Variants in BMI1 observed in about 807,000 individuals in gnomAD.
BMI1 encodes polycomb complex protein BMI-1.
In BMI1, 9 loss-of-function variants were observed where a neutral mutation model predicts 39.1. That is an observed-to-expected ratio of 0.23 (90% CI 0.14 to 0.40). The LOEUF is 0.40. Among genes scored for constraint, BMI1 ranks in the 10% least tolerant of loss-of-function variants. The probability of loss-of-function intolerance (pLI) is 1.00; values close to 1 mark genes in which losing one functional copy is unlikely to be tolerated. For missense variants in BMI1, 252 were observed against 390.8 expected (o/e 0.64, Z 2.99); for synonymous variants, 131 against 127.9 (o/e 1.02, Z -0.16).
Position 22,330,033 on chromosome 10 carries a change from A to G in BMI1, c.*491A>G, listed in dbSNP as rs766934758. 17 of 153,518 alleles carry G rather than the reference A, an allele frequency of 1.1e-4. No homozygotes were observed. The highest frequency in any genetic ancestry group is 1.9e-4 in the Non-Finnish European group (13 of 68,682). The allele number at this position is 153,518 out of a possible 1,614,324, so 9.5% of individuals were successfully genotyped here. ...TCTATGTAGCCATGTCACTGTGAAT[A>G]ACGATTTCTTGCATATTTAGCCATT... On this transcript the variant is annotated 3_prime_UTR_variant, in exon 10 of 10. Coordinates refer to ENST00000376663, the MANE Select transcript of BMI1 (RefSeq NM_005180.9).
intron 1 of BMI1, chr10:22,322,159 C>A (rs1400623638): frequency 6.6e-6 from 1 of 152,084 alleles, no homozygotes; most frequent in Non-Finnish European, 1.5e-5. Context: ...CCGCAGCGCC[C>A]TTTGTTGAGA....
chr10:22,329,571 T>C lies in BMI1; in HGVS notation c.*29T>C, dbSNP rs773213131. On this transcript the variant is annotated 3_prime_UTR_variant, in exon 10 of 10. Coordinates refer to ENST00000376663, the MANE Select transcript of BMI1 (RefSeq NM_005180.9). ...CTGAGACTGTTAAGGAAAAAAATTTTAAACCCCTGATTTATATAGATATCT... is the reference window on the plus strand; with the variant it reads ...CTGAGACTGTTAAGGAAAAAAATTTCAAACCCCTGATTTATATAGATATCT... The C allele has an allele frequency of 1.9e-6, 3 of 1,602,028 alleles. No individual in the cohort carries two copies. Among genetic ancestry groups the C allele is most frequent in the Non-Finnish European group, 2.6e-6 (3 of 1,173,632 alleles).
chr10:22,326,801 C>A, intron 2 of BMI1, 89 bp from the exon 3 acceptor site: 1 of 1,501,918 alleles, frequency 6.7e-7, no homozygotes, highest in South Asian at 1.2e-5. Context: ...CTTTCACCAT[C>A]TTGTTTTCTA....
rs1323084084 is a variant in BMI1 at position 22,331,180 on chromosome 10, TTG to T, written c.*1640_*1641del. ...AATTTGTACAGTCCCATTGTAAGTG[TTG>T]TTTCTAATTATAGATGTAAAATGAA... On this transcript the variant is annotated 3_prime_UTR_variant, in exon 10 of 10. Transcript: ENST00000376663. The T allele has an allele frequency of 1.3e-5, 2 of 152,606 alleles. No individual in the cohort carries two copies. Among genetic ancestry groups the T allele is most frequent in the Non-Finnish European group, 2.9e-5 (2 of 67,984 alleles). The allele number at this position is 152,606 out of a possible 1,614,324, so 9.5% of individuals were successfully genotyped here.
At position 22,329,397 on chromosome 10, in the gene BMI1, T is replaced by G. The variant is rs1410240311; in HGVS notation, c.836T>G (p.Val279Gly). 1 of 1,614,200 alleles carries G rather than the reference T, an allele frequency of 6.2e-7. No homozygotes were observed. Among genetic ancestry groups the G allele is most frequent in the Non-Finnish European group, 8.5e-7 (1 of 1,180,026 alleles). ...SSCLPSPSTPVQSPHPQFPHI... is the reference protein window; with the variant it reads ...SSCLPSPSTPGQSPHPQFPHI... ...TGTTTGCCTAGCCCCAGTACTCCAG[T>G]GCAGTCTCCTCATCCACAGTTTCCT... Residue 279 changes from valine to glycine, a missense_variant, in exon 10 of 10, where the codon GTG becomes GGG. Physicochemically the swap from Val to Gly is moderately radical, Grantham distance 109. Transcript: ENST00000376663.
At position 22,327,788 on chromosome 10, in the gene BMI1, T is replaced by C. The variant is rs144025407; in HGVS notation, c.312T>C (p.Ala104=). ...ATTTTTATGCAGCTCATCCTTCTGC[T>C]GATGGTAAACCTTTTAGGGGAGGGA... ...RRDFYAAHPS[A]DAANGSNEDR... The change falls in exon 5 of 10, where the codon GCT becomes GCC. Residue 104 remains alanine (A), a synonymous_variant. Transcript: ENST00000376663. 50 of 1,613,262 alleles carry C rather than the reference T, an allele frequency of 3.1e-5. No individual in the cohort carries two copies. The highest frequency in any genetic ancestry group is 4.2e-5 in the Non-Finnish European group (50 of 1,179,602).
chr10:22,323,861 T>C (rs556083092), intron 1 of BMI1, among the ~76,000 whole-genome samples: 8 of 152,338 alleles, frequency 5.3e-5, no homozygotes, highest in South Asian at 2.1e-4. Context: ...TCAAATCTTA[T>C]CAAGCACGTC....
In BMI1 at chr10:22,321,340, C is replaced by T. The variant is rs936420785; in HGVS notation, c.-376C>T. 5.2e-5 allele frequency: 8 copies of T among 155,070 alleles called. No individual in the cohort carries two copies. Among genetic ancestry groups the T allele is most frequent in the South Asian group, 3.6e-4 (2 of 5,632 alleles). 9.6% of individuals were successfully genotyped at this position (155,070 alleles called of 1,614,324 possible). A position where few individuals can be genotyped will look rare whatever the true frequency, so the allele number is the denominator to read the frequency against. On this transcript the variant is annotated 5_prime_UTR_variant, in exon 1 of 10. Transcript: ENST00000376663. The stretch of plus-strand genomic sequence containing the variant: ...CGCAGAATAAAACCGATCGCGCCCC[C>T]TCCGCGCGCGCCCTCCCCCGAGTGC...
At chr10:22,326,331 T>G in intron 1 of BMI1, 100 bp from the exon 2 acceptor site, 1 of 1,504,822 alleles carries the variant, frequency 6.6e-7, no homozygotes, top group Non-Finnish European at 8.9e-7. Context: ...CTGTACAGTG[T>G]TAAATGAGTT....
chr10:22,329,643 C>A lies in BMI1; in HGVS notation c.*101C>A. On this transcript the variant is annotated 3_prime_UTR_variant, in exon 10 of 10. Transcript: ENST00000376663. The stretch of plus-strand genomic sequence containing the variant: ...GATGCTAATACATGTGACTATCGTC[C>A]AATTTGCTTTCTTTTGTAGTGACAT... 1.4e-6 allele frequency: 2 copies of A among 1,382,674 alleles called. No homozygotes were observed. The highest frequency in any genetic ancestry group is 9.7e-7 in the Non-Finnish European group (1 of 1,033,194). The allele number at this position is 1,382,674 out of a possible 1,614,324, so 85.7% of individuals were successfully genotyped here.
intron 1 of BMI1, 149 bp downstream of exon 1, chr10:22,321,845 G>GCGCCCCGCGCCGCC (rs1171412259): frequency 5.6e-5 from 8 of 142,392 alleles, no homozygotes; most frequent in African/African-American, 1.3e-4. Context: ...GCCCGGCCCC[G>GCGCCCCGCGCCGCC]CGCCCCGCGC....
chr10:22,325,705 G>T (rs1422092563), intron 1 of BMI1: 1 of 150,780 alleles, frequency 6.6e-6, no homozygotes, highest in Admixed American at 6.6e-5. Flanking sequence ...GAGTTGCAGC[G>T]GTGGCCGGAT....
Position 22,331,077 on chromosome 10 carries a change from T to G in BMI1, c.*1535T>G, listed in dbSNP as rs1157196196. On this transcript the variant is annotated 3_prime_UTR_variant, in exon 10 of 10. Transcript: ENST00000376663. The stretch of plus-strand genomic sequence containing the variant: ...ATCATTACTTTTACATATATTGCTG[T>G]TACTTCTGCTTTCTTTAAAAATATA... 2.0e-5 allele frequency: 3 copies of G among 152,612 alleles called. No individual in the cohort carries two copies. Among genetic ancestry groups the G allele is most frequent in the Admixed American group, 2.0e-4 (3 of 15,292 alleles). The allele number at this position is 152,612 out of a possible 1,614,324, so 9.5% of individuals were successfully genotyped here.
In BMI1 at chr10:22,329,629, A is replaced by T; in HGVS notation, c.*87A>T. Reference sequence around the variant, plus strand: ...ATTACAGCTTTCTAGATGCTAATACATGTGACTATCGTCCAATTTGCTTTC... The same window carrying T: ...ATTACAGCTTTCTAGATGCTAATACTTGTGACTATCGTCCAATTTGCTTTC... On this transcript the variant is annotated 3_prime_UTR_variant, in exon 10 of 10. Transcript: ENST00000376663. The T allele has an allele frequency of 6.9e-7, 1 of 1,449,914 alleles. No individual in the cohort carries two copies. The highest frequency in any genetic ancestry group is 9.2e-7 in the Non-Finnish European group (1 of 1,083,142). The allele number at this position is 1,449,914 out of a possible 1,614,324, so 89.8% of individuals were successfully genotyped here. A position where few individuals can be genotyped will look rare whatever the true frequency, so the allele number is the denominator to read the frequency against.
rs140326477 is a variant in BMI1 at position 22,329,505 on chromosome 10, C to T, written c.944C>T (p.Ser315Leu). 6.2e-7 allele frequency: 1 copy of T among 1,614,148 alleles called. No homozygotes were observed. The highest frequency in any genetic ancestry group is 1.1e-5 in the South Asian group (1 of 91,086). The change falls in exon 10 of 10, where the codon TCA becomes TTA. Residue 315 changes from serine (S) to leucine (L), a missense_variant. Ser to Leu is a moderately radical substitution (Grantham distance 145). Around this residue, in one of 4 missense-constraint regions of BMI1, gnomAD observed 96 missense variants for 120.2 expected, o/e 0.80. Coordinates refer to ENST00000376663, the MANE Select transcript of BMI1 (RefSeq NM_005180.9). ...QSSFANRPRKSSVNGSSATSS... is the reference protein window; with the variant it reads ...QSSFANRPRKLSVNGSSATSS... ...TCTTTTGCCAATAGACCTCGAAAAT[C>T]ATCAGTAAATGGGTCATCAGCAACT... is the stretch of plus-strand genomic sequence containing the variant.
chr10:22,324,042 T>C (rs1836072112), intron 1 of BMI1, among the ~76,000 whole-genome samples: 1 of 152,212 alleles, frequency 6.6e-6, no homozygotes, highest in South Asian at 2.1e-4. Context: ...AGACTTAAGA[T>C]GAATTTGAAA....
chr10:22,328,253 C>T, intron 7 of BMI1, 74 bp downstream of exon 7: 1 of 1,501,194 alleles, frequency 6.7e-7, no homozygotes, highest in Non-Finnish European at 8.9e-7. Flanking sequence ...ATTGTGTTGC[C>T]CTTTAGAATA....
intron 1 of BMI1, among the ~76,000 whole-genome samples, chr10:22,324,878 C>G (rs924833392): frequency 1.3e-5 from 2 of 152,218 alleles, no homozygotes; most frequent in African/African-American, 4.8e-5. Flanking sequence ...TTGTTGCTGA[C>G]AGTTCCCCAT....
chr10:22,328,070 A>C lies in BMI1; in HGVS notation c.425+12A>C. The C allele has an allele frequency of 6.3e-7, 1 of 1,596,412 alleles. No individual in the cohort carries two copies. The highest frequency in any genetic ancestry group is 8.5e-7 in the Non-Finnish European group (1 of 1,175,070). ...TTTGACCAGAACAGGTAAAATCTTTAGGCAATTTATTTTATGCTAATGTTT... is the reference window on the plus strand; with the variant it reads ...TTTGACCAGAACAGGTAAAATCTTTCGGCAATTTATTTTATGCTAATGTTT... On this transcript the variant is annotated intron_variant, in intron 6 of 9. Coordinates refer to ENST00000376663, the MANE Select transcript of BMI1 (RefSeq NM_005180.9).
Sources: allele counts gnomAD v4.1 joint callset (sites outside exome capture counted in the v4.1 genomes callset), GRCh38; gene constraint gnomAD v4.1.1; regional missense constraint gnomAD v4.1.1; transcripts MANE v1.5; gene names NCBI Gene and HGNC (gene_info 2026-07-23, HGNC 2026-07-21).